APLP1: variants seen among roughly 807,000 people sequenced by gnomAD.
APLP1 encodes the protein amyloid beta (A4) precursor-like protein 1.
Under a neutral mutation model 84.5 loss-of-function variants are expected in APLP1, and 46 were observed. The observed-to-expected ratio is 0.54, with a 90% CI of 0.43 to 0.70. The LOEUF is 0.70. Among genes scored for constraint, APLP1 ranks in the 30% least tolerant of loss-of-function variants. The probability of loss-of-function intolerance (pLI) is 0.00; values close to 1 mark genes in which losing one functional copy is unlikely to be tolerated. For missense variants in APLP1, 826 were observed against 900.2 expected, an observed-to-expected ratio of 0.92 and a Z score of 1.05; for synonymous variants, 376 against 364.0, an observed-to-expected ratio of 1.03 and a Z score of -0.38.
intron 14 of APLP1, 27 bp downstream of exon 14, chr19:35,878,681 CT>C: frequency 6.2e-7 from 1 of 1,613,298 alleles, no homozygotes; most frequent in Middle Eastern, 1.6e-4. Flanking sequence ...TGTGGGCTCC[CT>C]AAGGGGAACA....
chr19:35,875,550 T>G (rs1161592675), intron 10 of APLP1, among the ~76,000 whole-genome samples: 1 of 152,180 alleles, frequency 6.6e-6, no homozygotes, highest in African/African-American at 2.4e-5. Flanking sequence ...GGTCTTGAAC[T>G]CGACCTCAGG....
chr19:35,875,328 A>AT (rs35284323), intron 10 of APLP1, among the ~76,000 whole-genome samples: 7,263 of 133,118 alleles, frequency 0.055, 558 homozygotes, highest in African/African-American at 0.17. Context: ...CACTGGGCTA[A>AT]TTTTTTTTTT....
chr19:35,876,902 C>A (rs1275812514), intron 11 of APLP1, among the ~76,000 whole-genome samples: 1 of 152,158 alleles, frequency 6.6e-6, no homozygotes, highest in Non-Finnish European at 1.5e-5. Context: ...TCTCTCTCTC[C>A]AAGGAAGCGC....
chr19:35,878,856 G>C (rs1298957604), intron 14 of APLP1, 34 bp from the exon 15 acceptor site: 1 of 1,613,524 alleles, frequency 6.2e-7, no homozygotes, highest in Non-Finnish European at 8.5e-7. Flanking sequence ...CCAGTGCCAG[G>C]CTTCTGGGTT....
Position 35,879,364 on chromosome 19 carries a change from G to C in APLP1, c.1879G>C (p.Glu627Gln). The part of the protein sequence containing the change: ...VVEVDPMLTL[E>Q]EQQLRELQRH... ...GCAGGTGGACCCCATGCTGACCCTG[G>C]AGGAGCAGCAGCTCCGCGAACTGCA... Residue 627 changes from glutamate (E) to glutamine (Q), a missense_variant, in exon 17 of 17, where the codon GAG becomes CAG. By Grantham distance (29) the Glu-to-Gln change is conservative (BLOSUM62 2). Transcript: ENST00000221891. 6.2e-7 allele frequency: 1 copy of C among 1,613,946 alleles called. No individual in the cohort carries two copies. The highest frequency in any genetic ancestry group is 8.5e-7 in the Non-Finnish European group (1 of 1,179,994).
intron 14 of APLP1, 96 bp from the exon 15 acceptor site, chr19:35,878,794 A>T: frequency 6.4e-7 from 1 of 1,556,392 alleles, no homozygotes; most frequent in Non-Finnish European, 8.9e-7. Flanking sequence ...TTGAGATCCT[A>T]GAAAATGAGA....
intron 16 of APLP1, 49 bp from the exon 17 acceptor site, chr19:35,879,294 A>C (rs1974361317): frequency 6.2e-7 from 1 of 1,609,604 alleles, no homozygotes; most frequent in Non-Finnish European, 8.5e-7. Context: ...ACTTGCGGGC[A>C]GTCCCGCCCC....
intron 2 of APLP1, 158 bp from the exon 3 acceptor site, chr19:35,870,738 T>G: frequency 9.5e-7 from 1 of 1,048,326 alleles, no homozygotes; most frequent in Non-Finnish European, 1.3e-6. Flanking sequence ...GAGCCGAGAT[T>G]GTACCATTCC....
intron 2 of APLP1, 129 bp from the exon 3 acceptor site, chr19:35,870,767 A>G: frequency 3.8e-6 from 5 of 1,329,954 alleles, no homozygotes; most frequent in Non-Finnish European, 5.0e-6. Flanking sequence ...CTGGGCGACA[A>G]GAGCAAATCT....
intron 13 of APLP1, 141 bp downstream of exon 13, chr19:35,878,249 A>G (rs1974328046): frequency 2.1e-6 from 2 of 965,272 alleles, no homozygotes; most frequent in Non-Finnish European, 3.2e-6. Context: ...TCTGGACCCT[A>G]AAGAATGAGA....
chr19:35,871,210 T>C, intron 3 of APLP1, 27 bp from the exon 4 acceptor site: 2 of 1,604,524 alleles, frequency 1.2e-6, no homozygotes, highest in Non-Finnish European at 1.7e-6. Context: ...TAGGAGGATC[T>C]CACCCTGGTG....
chr19:35,874,780 G>A lies in APLP1; in HGVS notation c.1255G>A (p.Ala419Thr), dbSNP rs1304810147. 2 of 1,613,582 alleles carry A rather than the reference G, an allele frequency of 1.2e-6. No homozygotes were observed. The highest frequency in any genetic ancestry group is 1.7e-6 in the Non-Finnish European group (2 of 1,179,974). Reference sequence around the variant, plus strand: ...GTTGGCCCTGCGGCGCTACCTGCGTGCGGAGCAGAAGGAACAGAGGCACAC... The same window carrying A: ...GTTGGCCCTGCGGCGCTACCTGCGTACGGAGCAGAAGGAACAGAGGCACAC... ...VLLALRRYLR[A>T]EQKEQRHTLR... The change falls in exon 10 of 17, where the codon GCG (alanine) becomes ACG (threonine). Residue 419 changes from alanine to threonine, a missense_variant. Ala to Thr is a moderately conservative substitution (Grantham distance 58, BLOSUM62 0). Around this residue, in one of 3 missense-constraint regions of APLP1, gnomAD observed 433 missense variants for 496.5 expected, o/e 0.87. Transcript: ENST00000221891. This position sits in a 1 kb window ranked among gnomAD's most constrained non-coding sequence, Gnocchi z 6.4.
At position 35,871,238 on chromosome 19, in the gene APLP1, T is replaced by C. The variant is rs1166395637; in HGVS notation, c.426T>C (p.Pro142=). The C allele has an allele frequency of 1.2e-6, 2 of 1,613,102 alleles. No homozygotes were observed. The highest frequency in any genetic ancestry group is 1.7e-6 in the Non-Finnish European group (2 of 1,179,592). The change falls in exon 4 of 17, where the codon CCT becomes CCC. Residue 142 remains proline (P), a splice_region_variant and synonymous_variant. Transcript: ENST00000221891. ...HHQVVPFRCL[P]GEFVSEALLV... ...CCCTGGTGTCCCGTGCTTCCCCAGC[T>C]GGTGAATTTGTGAGTGAGGCCCTGC...
chr19:35,877,469 C>T (rs1974308296), intron 11 of APLP1, among the ~76,000 whole-genome samples: 2 of 138,124 alleles, frequency 1.4e-5, no homozygotes, highest in African/African-American at 5.5e-5. Context: ...AGCTGGGCAA[C>T]AAGAGTGAGA....
At chr19:35,877,857 C>A in intron 12 of APLP1, 32 bp downstream of exon 12, 1 of 1,552,280 alleles carries the variant, frequency 6.4e-7, no homozygotes, top group Non-Finnish European at 8.8e-7. Flanking sequence ...TGACCCCAGA[C>A]ATTAGGGAAC....
Position 35,874,916 on chromosome 19 carries a change from G to A in APLP1, c.1344+47G>A, listed in dbSNP as rs750059965. 4.4e-5 allele frequency: 70 copies of A among 1,588,710 alleles called. No homozygotes were observed. The highest frequency in any genetic ancestry group is 5.8e-5 in the Non-Finnish European group (68 of 1,173,162). On this transcript the variant is annotated intron_variant, in intron 10 of 16. Transcript: ENST00000221891. The surrounding 1 kb of genome is among the most constrained non-coding windows in gnomAD (Gnocchi z 6.4). ...CCAAATGCGCCGCTATTCCTCAGAC[G>A]CCCGCGCCTCAGGCTCTTCTCTTGT... is the stretch of plus-strand genomic sequence containing the variant.
chr19:35,871,343 A>C lies in APLP1; in HGVS notation c.531A>C (p.Ala177=), dbSNP rs1974140907. The change falls in exon 4 of 17, where the codon GCA becomes GCC. Residue 177 remains alanine (A), a synonymous_variant. Transcript: ENST00000221891. ...GTTCAACCCGGAGGCATCAGGAGGC[A>C]CAGGAGGTCAGGACGTTGGCCCACC... ...CESSTRRHQE[A]QEACSSQGLI... The C allele has an allele frequency of 1.2e-6, 2 of 1,609,130 alleles. No individual in the cohort carries two copies. The highest frequency in any genetic ancestry group is 1.7e-5 in the Admixed American group (1 of 59,220).
At position 35,872,136 on chromosome 19, in the gene APLP1, A is replaced by T. The variant is rs963023252; in HGVS notation, c.850+100A>T. On this transcript the variant is annotated intron_variant, in intron 6 of 16. Transcript: ENST00000221891. ...TGTCTTTGGGAGGGGCCTATAGGGG[A>T]AAGGCCCAACTGAGGAGAAAAGACG... 2.9e-5 allele frequency: 40 copies of T among 1,403,264 alleles called. No individual in the cohort carries two copies. In the Middle Eastern group the frequency reaches 5.5e-4, roughly 19 times the overall value. The allele number at this position is 1,403,264 out of a possible 1,614,324, so 86.9% of individuals were successfully genotyped here.
At chr19:35,872,705 A>T (rs937679412) in intron 7 of APLP1, 92 bp downstream of exon 7, 81 of 1,430,854 alleles carry the variant, frequency 5.7e-5, no homozygotes, top group Non-Finnish European at 7.5e-5. Context: ...CTACCTCCAA[A>T]GGCTCCCTAA....
Sources: allele counts gnomAD v4.1 joint callset (sites outside exome capture counted in the v4.1 genomes callset), GRCh38; gene constraint gnomAD v4.1.1; regional missense constraint gnomAD v4.1.1; non-coding constraint Gnocchi (gnomAD v3.1); transcripts MANE v1.5; gene names NCBI Gene and HGNC (gene_info 2026-07-23, HGNC 2026-07-21).